The following CSMD1 variants were observed in gnomAD, a reference collection of about 807,000 sequenced individuals.
CSMD1 encodes the protein CUB and sushi domain-containing protein 1.
In CSMD1, 213 loss-of-function variants were observed where a neutral mutation model predicts 417.5. That is an observed-to-expected ratio of 0.51 (90% CI 0.46 to 0.57). The LOEUF (loss-of-function observed/expected upper bound fraction) is 0.57. Among genes scored for constraint, CSMD1 ranks in the 20% least tolerant of loss-of-function variants. The probability of loss-of-function intolerance (pLI) is 0.00; values close to 1 mark genes in which losing one functional copy is unlikely to be tolerated. For missense variants in CSMD1, 6,923 were observed against 4,529.7 expected (o/e 1.53, Z -15.17); for synonymous variants, 2,862 against 1,736.8 (o/e 1.65, Z -16.11).
intron 5 of CSMD1, among the ~76,000 whole-genome samples, chr8:3,941,729 A>G (rs1304445806): frequency 6.6e-6 from 1 of 152,182 alleles, no homozygotes; most frequent in Non-Finnish European, 1.5e-5. Context: ...TTTTTTAACT[A>G]CAGAGCTAAA....
intron 65 of CSMD1, among the ~76,000 whole-genome samples, chr8:2,953,042 G>A (rs952479025): frequency 7.9e-5 from 12 of 152,234 alleles, no homozygotes; most frequent in Non-Finnish European, 1.5e-5. Flanking sequence ...TGATAATAAT[G>A]TTTGCACCTA....
rs538769539 is a variant in CSMD1 at position 3,575,084 on chromosome 8, C to T, written c.1223-18G>A. 37 of 1,608,622 alleles carry T rather than the reference C, an allele frequency of 2.3e-5. No homozygotes were observed. In the African/African-American group the frequency reaches 3.4e-4, roughly 15 times the overall value. ...TGTTCTCGCTGGAAACACATAGAAA[C>T]GACGTTATTTTCTACAACATTGTGT... On this transcript the variant is annotated intron_variant, in intron 9 of 69. Coordinates refer to ENST00000635120, the MANE Select transcript of CSMD1 (RefSeq NM_033225.6).
At chr8:3,599,102 C>G (rs1801230406) in intron 8 of CSMD1, among the ~76,000 whole-genome samples, 1 of 150,394 alleles carries the variant, frequency 6.6e-6, no homozygotes, top group African/African-American at 2.5e-5. Context: ...GAAAAGCTGA[C>G]ATTGGATTGC....
At chr8:4,702,473 G>A (rs974577756) in intron 1 of CSMD1, among the ~76,000 whole-genome samples, 1 of 152,062 alleles carries the variant, frequency 6.6e-6, no homozygotes, top group Non-Finnish European at 1.5e-5. Context: ...GTCCCCTTCA[G>A]TCAAAATGTT....
At chr8:4,340,473 G>A (rs1234856767) in intron 3 of CSMD1, among the ~76,000 whole-genome samples, 1 of 152,056 alleles carries the variant, frequency 6.6e-6, no homozygotes, top group Non-Finnish European at 1.5e-5. Flanking sequence ...CTGTCTAGGG[G>A]TGATGAACTC....
intron 5 of CSMD1, among the ~76,000 whole-genome samples, chr8:3,754,411 C>T (rs913150034): frequency 1.3e-5 from 2 of 149,792 alleles, no homozygotes; most frequent in Non-Finnish European, 3.0e-5. Flanking sequence ...CTGTGTTTCA[C>T]AATTTGAAGA....
intron 5 of CSMD1, among the ~76,000 whole-genome samples, chr8:3,853,613 AAGG>A (rs1344162547): frequency 6.6e-6 from 1 of 152,014 alleles, no homozygotes; most frequent in African/African-American, 2.4e-5. Flanking sequence ...ATGAAAAAAG[AAGG>A]AGACCTTGTG....
chr8:3,629,238 A>G (rs572448537), intron 7 of CSMD1, among the ~76,000 whole-genome samples: 1 of 152,310 alleles, frequency 6.6e-6, no homozygotes, highest in South Asian at 2.1e-4. Context: ...TCAGTTACTG[A>G]GGCAAAGGTC....
intron 50 of CSMD1, among the ~76,000 whole-genome samples, chr8:3,041,536 A>G (rs1260483148): frequency 6.6e-6 from 1 of 152,224 alleles, no homozygotes; most frequent in Admixed American, 6.5e-5. Context: ...ATGTCAATGT[A>G]AGTGTTGGCT....
chr8:3,385,225 A>C (rs1810932211), intron 18 of CSMD1, among the ~76,000 whole-genome samples: 1 of 147,538 alleles, frequency 6.8e-6, no homozygotes, highest in Non-Finnish European at 1.5e-5. Flanking sequence ...ATACATATAC[A>C]TGCATATCTA....
intron 10 of CSMD1, among the ~76,000 whole-genome samples, chr8:3,520,538 G>T (rs781426589): frequency 6.6e-6 from 1 of 152,148 alleles, no homozygotes; most frequent in Non-Finnish European, 1.5e-5. Flanking sequence ...TAGCTTGGTT[G>T]TCAAATCCCA....
intron 5 of CSMD1, among the ~76,000 whole-genome samples, chr8:3,830,154 C>T (rs912234519): frequency 6.6e-6 from 1 of 152,088 alleles, no homozygotes; most frequent in Non-Finnish European, 1.5e-5. Context: ...ACTATATGCT[C>T]CAGAGTTTCT....
At chr8:4,735,933 G>A (rs763277465) in intron 1 of CSMD1, among the ~76,000 whole-genome samples, 2 of 152,060 alleles carry the variant, frequency 1.3e-5, no homozygotes, top group Admixed American at 6.6e-5. Flanking sequence ...AGTAGCCACC[G>A]GTTGCAACAT....
At chr8:3,755,381 G>C (rs1415732445) in intron 5 of CSMD1, among the ~76,000 whole-genome samples, 2 of 152,212 alleles carry the variant, frequency 1.3e-5, no homozygotes, top group Non-Finnish European at 2.9e-5. Flanking sequence ...CATTCTCCAT[G>C]TGCTCTACAA....
chr8:4,320,132 A>C (rs1285852031), intron 3 of CSMD1, among the ~76,000 whole-genome samples: 1 of 152,226 alleles, frequency 6.6e-6, no homozygotes, highest in Non-Finnish European at 1.5e-5. Context: ...TTAACTGTGT[A>C]ACAGAACAAA....
chr8:4,360,255 AC>A (rs1252479132), intron 3 of CSMD1, among the ~76,000 whole-genome samples: 1 of 152,106 alleles, frequency 6.6e-6, no homozygotes, highest in African/African-American at 2.4e-5. Context: ...TGATGAACAC[AC>A]ATCTACCTCC....
chr8:3,370,806 G>A (rs915497594), intron 18 of CSMD1, among the ~76,000 whole-genome samples: 3 of 152,090 alleles, frequency 2.0e-5, no homozygotes, highest in African/African-American at 7.2e-5. Flanking sequence ...AAAACCCCAT[G>A]TTTATCAAAA....
rs192472931 is a variant in CSMD1 at position 4,297,248 on chromosome 8, T to C, written c.415+122705A>G. ...CCAAACATTTAGAAATAATTAAATA[T>C]AGAGCTTGAAATTTACCAAGGCTAT... is the stretch of plus-strand genomic sequence containing the variant. On this transcript the variant is annotated intron_variant, in intron 3 of 69. Transcript: ENST00000635120. Among the ~76,000 whole-genome samples, 20 of 152,236 alleles carry C rather than the reference T, an allele frequency of 1.3e-4. No individual in the cohort carries two copies. In the East Asian group the frequency reaches 1.7e-3, roughly 13 times the overall value.
chr8:4,865,473 A>T (rs1187711621), intron 1 of CSMD1, among the ~76,000 whole-genome samples: 3 of 151,864 alleles, frequency 2.0e-5, no homozygotes, highest in Non-Finnish European at 4.4e-5. Context: ...TAATATATAC[A>T]CAGCTTCAGT....
Sources: allele counts gnomAD v4.1 joint callset (sites outside exome capture counted in the v4.1 genomes callset), GRCh38; gene constraint gnomAD v4.1.1; transcripts MANE v1.5; gene names NCBI Gene and HGNC (gene_info 2026-07-23, HGNC 2026-07-21).